Variants in PDE4D observed in about 807,000 individuals in gnomAD.
PDE4D encodes 3',5'-cyclic-AMP phosphodiesterase 4D.
PDE4D carries 24 observed loss-of-function variants against 87.4 expected under a neutral mutation model. That is an observed-to-expected ratio of 0.27 (90% CI 0.20 to 0.39). The LOEUF is 0.39. Ranked by LOEUF, PDE4D falls within the 10% of genes least tolerant of loss-of-function variation. The probability of loss-of-function intolerance (pLI) is 1.00; values close to 1 mark genes in which losing one functional copy is unlikely to be tolerated. For synonymous variants in PDE4D, 384 were observed against 383.2 expected, an observed-to-expected ratio of 1.00 and a Z score of -0.02; for missense variants, 714 against 1,041.0, an observed-to-expected ratio of 0.69 and a Z score of 4.32.
intron 2 of PDE4D, among the ~76,000 whole-genome samples, chr5:60,019,026 T>C (rs190100091): frequency 6.6e-6 from 1 of 152,284 alleles, no homozygotes; most frequent in African/African-American, 2.4e-5. Context: ...AACAATAGAA[T>C]ATACATTCTT....
intron 1 of PDE4D, among the ~76,000 whole-genome samples, chr5:60,263,317 A>G (rs1749846484): frequency 6.6e-6 from 1 of 152,296 alleles, no homozygotes; most frequent in South Asian, 2.1e-4. Context: ...TTCTTTCTGC[A>G]CCTCTTTTTC....
At chr5:59,997,479 A>C (rs916705593) in intron 2 of PDE4D, among the ~76,000 whole-genome samples, 3 of 152,216 alleles carry the variant, frequency 2.0e-5, no homozygotes, top group Non-Finnish European at 4.4e-5. Context: ...AACATGAAAG[A>C]AAAACCTAAA....
Position 58,970,283 on chromosome 5 carries a change from A to C in PDE4D, c.*4381T>G, listed in dbSNP as rs868386545. 1.3e-5 allele frequency: 2 copies of C among 152,214 alleles called. No homozygotes were observed. The highest frequency in any genetic ancestry group is 2.1e-4 in the South Asian group (1 of 4,834). 9.4% of individuals were successfully genotyped at this position (152,214 alleles called of 1,614,324 possible). A position where few individuals can be genotyped will look rare whatever the true frequency, so the allele number is the denominator to read the frequency against. ...ATCAGTTAAGGATGTTTTTGTAATT[A>C]TAGTGTCCCCTTTGTACTGTTTAAA... On this transcript the variant is annotated 3_prime_UTR_variant, in exon 15 of 15. Coordinates refer to ENST00000340635, the MANE Select transcript of PDE4D (RefSeq NM_001104631.2).
chr5:59,985,919 C>T (rs755251231), intron 3 of PDE4D, among the ~76,000 whole-genome samples: 28 of 152,194 alleles, frequency 1.8e-4, no homozygotes, highest in Non-Finnish European at 3.2e-4. Context: ...TATAAAGGAA[C>T]CTGTGCAGTT....
intron 1 of PDE4D, among the ~76,000 whole-genome samples, chr5:60,186,498 T>C (rs1784793859): frequency 6.6e-6 from 1 of 152,176 alleles, no homozygotes; most frequent in South Asian, 2.1e-4. Flanking sequence ...GGACACAACC[T>C]ACATATTTAT....
At chr5:59,436,913 A>G (rs974816833) in intron 1 of PDE4D, among the ~76,000 whole-genome samples, 8 of 152,190 alleles carry the variant, frequency 5.3e-5, no homozygotes, top group African/African-American at 1.9e-4. Context: ...TTAGAAGAGG[A>G]AGTTAGTGAA....
chr5:59,364,462 G>A (rs1314805269), intron 1 of PDE4D, among the ~76,000 whole-genome samples: 4 of 152,186 alleles, frequency 2.6e-5, no homozygotes, highest in Non-Finnish European at 5.9e-5. Context: ...TTGGTCAGAT[G>A]ATATCCAGTA....
At chr5:59,925,548 A>G (rs1437920761) in intron 3 of PDE4D, among the ~76,000 whole-genome samples, 2 of 152,122 alleles carry the variant, frequency 1.3e-5, no homozygotes, top group African/African-American at 4.8e-5. Flanking sequence ...AATGGACTAA[A>G]CTCCCCAGTA....
intron 1 of PDE4D, among the ~76,000 whole-genome samples, chr5:60,497,986 G>C (rs944834677): frequency 6.6e-6 from 1 of 152,128 alleles, no homozygotes. Flanking sequence ...ATTTCTCCTT[G>C]GTCGTCTGCT....
In PDE4D at chr5:60,309,169, T is replaced by C. The variant is rs148010120; in HGVS notation, c.-89-123482A>G. ...AGTCTCTAATACTCAAATCAATAAA[T>C]GTCATTTATGTGCATAGCATCTGCC... On this transcript the variant is annotated intron_variant, in intron 1 of 16. Transcript: ENST00000502484. Among the ~76,000 whole-genome samples, 312 of 152,118 alleles carry C rather than the reference T, an allele frequency of 2.1e-3. 2 individuals carry two copies. The highest frequency in any genetic ancestry group is 7.2e-3 in the African/African-American group (299 of 41,492).
At chr5:60,070,455 T>C (rs1582498024) in intron 2 of PDE4D, among the ~76,000 whole-genome samples, 1 of 152,228 alleles carries the variant, frequency 6.6e-6, no homozygotes, top group African/African-American at 2.4e-5. Context: ...CTTGAGATGA[T>C]CACATGTTTT....
At chr5:59,945,357 C>T (rs1050039663) in intron 3 of PDE4D, among the ~76,000 whole-genome samples, 1 of 152,128 alleles carries the variant, frequency 6.6e-6, no homozygotes, top group African/African-American at 2.4e-5. Context: ...CAGTAAAAAT[C>T]TACCAGAAAA....
chr5:59,005,162 T>A (rs1039165377), intron 6 of PDE4D, among the ~76,000 whole-genome samples: 1 of 152,194 alleles, frequency 6.6e-6, no homozygotes, highest in Non-Finnish European at 1.5e-5. Context: ...ACTCCTTGTC[T>A]TAAAACATTA....
rs16877735 is a variant in PDE4D, at chr5:60,182,323, C to T, written c.42+3234G>A. 7.1e-3 allele frequency among the ~76,000 whole-genome samples: 1,085 copies of T among 152,174 alleles called. 11 individuals carry two copies. Among genetic ancestry groups the T allele is most frequent in the African/African-American group, 0.025 (1,032 of 41,540 alleles). ...TTGACCAGATCATTTTCAGTGTTAC[C>T]AAATTGGGAAAACATACAGATTCCA... On this transcript the variant is annotated intron_variant, in intron 2 of 16. Coordinates refer to the PDE4D transcript ENST00000502484.
upstream of PDE4D, chr5:59,893,883 C>G: frequency 8.5e-7 from 1 of 1,181,692 alleles, no homozygotes; most frequent in Non-Finnish European, 1.1e-6. Flanking sequence ...CCCCAAGTCA[C>G]CAAGACTAGG....
intron 1 of PDE4D, among the ~76,000 whole-genome samples, chr5:60,500,296 C>T (rs904769029): frequency 5.9e-5 from 9 of 151,496 alleles, no homozygotes; most frequent in African/African-American, 1.9e-4. Flanking sequence ...TGACAGAGAC[C>T]CAGTCTCAAA....
rs1561894945 is a variant in PDE4D at position 59,291,738 on chromosome 5, G to GTTGT, written c.456-75771_456-75770insACAA. 2.4e-5 allele frequency among the ~76,000 whole-genome samples: 3 copies of GTTGT among 125,576 alleles called. 1 individual carries two copies. Among genetic ancestry groups the GTTGT allele is most frequent in the Non-Finnish European group, 1.7e-5 (1 of 57,766 alleles). 82.4% of individuals were successfully genotyped at this position (125,576 alleles called of 152,430 possible). Reference sequence around the variant, plus strand: ...TAAAAATTAAAAAAAGTAAAAAGAAGTTTTTTTTTTTTTTTTTTGAATGGA... The same window carrying GTTGT: ...TAAAAATTAAAAAAAGTAAAAAGAAGTTGTTTTTTTTTTTTTTTTTTTGAATGGA... On this transcript the variant is annotated intron_variant, in intron 1 of 14. Transcript: ENST00000340635.
intron 1 of PDE4D, among the ~76,000 whole-genome samples, chr5:59,579,877 A>C (rs984288873): frequency 2.6e-5 from 4 of 152,236 alleles, no homozygotes; most frequent in Non-Finnish European, 5.9e-5. Context: ...CCTATAGGCC[A>C]CAGTGACCTT....
chr5:60,353,066 G>A (rs955765562), intron 1 of PDE4D, among the ~76,000 whole-genome samples: 3 of 152,114 alleles, frequency 2.0e-5, no homozygotes, highest in Non-Finnish European at 4.4e-5. Context: ...ACTGGGGAGG[G>A]CTGAATACAT....
Sources: gnomAD v4.1 joint callset for allele counts (sites outside exome capture counted in the v4.1 genomes callset) on GRCh38, gnomAD v4.1.1 for gene constraint, MANE v1.5 for transcripts, NCBI Gene and HGNC (gene_info 2026-07-23, HGNC 2026-07-21) for gene names.